DACH2: variants seen among roughly 807,000 people sequenced by gnomAD.
DACH2 encodes the protein dachshund homolog 2.
A neutral mutation model predicts 35.8 loss-of-function variants in DACH2; 17 were observed. That is an observed-to-expected ratio of 0.48 (90% CI 0.33 to 0.71). The LOEUF (loss-of-function observed/expected upper bound fraction) is 0.71, where lower values mean the gene tolerates loss of function less well. Among genes scored for constraint, DACH2 ranks in the 30% least tolerant of loss-of-function variants. The pLI, the probability that DACH2 is intolerant of heterozygous loss-of-function variation, is 0.02. For synonymous variants in DACH2, 195 were observed against 177.3 expected (o/e 1.10, Z -0.79); for missense variants, 469 against 472.7 (o/e 0.99, Z 0.07).
intron 11 of DACH2, among the ~76,000 whole-genome samples, chrX:86,822,355 A>G (rs182073061): frequency 8.9e-6 from 1 of 112,193 alleles, no homozygotes; most frequent in Non-Finnish European, 1.9e-5. Context: ...GGAATAGTGA[A>G]AAAAGAAAGG....
intron 1 of DACH2, among the ~76,000 whole-genome samples, chrX:86,182,867 G>T (rs1485404685): frequency 9.0e-6 from 1 of 111,501 alleles, no homozygotes; most frequent in African/African-American, 3.3e-5. Context: ...GTGGTTTGTA[G>T]TTCTCCTAGA....
At chrX:86,666,018 A>G (rs765189329) in intron 4 of DACH2, among the ~76,000 whole-genome samples, 1 of 111,335 alleles carries the variant, frequency 9.0e-6, no homozygotes, top group South Asian at 3.8e-4. Flanking sequence ...CAGAAAACTC[A>G]TCATCATCAC....
chrX:86,476,054 A>C (rs2037838357), intron 2 of DACH2, among the ~76,000 whole-genome samples: 1 of 111,806 alleles, frequency 8.9e-6, no homozygotes, highest in East Asian at 2.8e-4. Context: ...TGATCTTTTA[A>C]ATTCATTGTT....
intron 2 of DACH2, among the ~76,000 whole-genome samples, chrX:86,484,623 C>T (rs1459366355): frequency 2.7e-5 from 3 of 111,835 alleles, no homozygotes; most frequent in Non-Finnish European, 5.6e-5. Context: ...AGGTTTAAAT[C>T]ATAATTTTAC....
chrX:86,190,682 C>G (rs757849814), intron 1 of DACH2, among the ~76,000 whole-genome samples: 2 of 111,980 alleles, frequency 1.8e-5, no homozygotes, highest in African/African-American at 3.2e-5. Flanking sequence ...CGGTGGCTCA[C>G]GCCTGTAATC....
At chrX:86,806,266 G>A (rs964376678) in intron 7 of DACH2, among the ~76,000 whole-genome samples, 1 of 110,693 alleles carries the variant, frequency 9.0e-6, no homozygotes, top group African/African-American at 3.3e-5. Flanking sequence ...AGGCAAAGGG[G>A]AAGCAAGCAT....
At position 86,736,326 on chromosome X, in the gene DACH2, A is replaced by T. The variant is rs150567182; in HGVS notation, c.1105-3421A>T. On this transcript the variant is annotated intron_variant, in intron 6 of 11. Transcript: ENST00000373125. ...CAGGCTACAAAATCTTAAAGGAGAAAATTTGCTTCATACAAAATGTTACTG... is the reference window on the plus strand; with the variant it reads ...CAGGCTACAAAATCTTAAAGGAGAATATTTGCTTCATACAAAATGTTACTG... Among the ~76,000 whole-genome samples the T allele has an allele frequency of 4.6e-3, 510 of 111,302 alleles. 3 individuals carry two copies. Among genetic ancestry groups the T allele is most frequent in the African/African-American group, 0.016 (484 of 30,774 alleles).
intron 1 of DACH2, among the ~76,000 whole-genome samples, chrX:86,305,800 A>C (rs1483981401): frequency 8.9e-6 from 1 of 111,994 alleles, no homozygotes; most frequent in Non-Finnish European, 1.9e-5. Context: ...ATTTCTCAAA[A>C]GAAGATATAC....
chrX:86,264,120 GTATGCTTAAAA>G (rs950061360), intron 1 of DACH2, among the ~76,000 whole-genome samples: 5 of 111,893 alleles, frequency 4.5e-5, no homozygotes, highest in African/African-American at 1.6e-4. Context: ...TATGTATAGT[GTATGCTTAAAA>G]TATTTCTCTG....
chrX:86,450,347 G>A (rs1427746461), intron 2 of DACH2, among the ~76,000 whole-genome samples: 1 of 111,275 alleles, frequency 9.0e-6, no homozygotes, highest in Non-Finnish European at 1.9e-5. Flanking sequence ...TCCTGCATTA[G>A]TTTGAGGAGC....
At chrX:86,570,750 T>C (rs1185872363) in intron 3 of DACH2, among the ~76,000 whole-genome samples, 1 of 111,281 alleles carries the variant, frequency 9.0e-6, no homozygotes, top group East Asian at 2.8e-4. Context: ...AAAAGTCTGT[T>C]TAAAATGCTC....
At position 86,770,496 on chromosome X, in the gene DACH2, C is replaced by T. The variant is rs140275454; in HGVS notation, c.1240+30614C>T. Among the ~76,000 whole-genome samples, 585 of 111,481 alleles carry T rather than the reference C, an allele frequency of 5.2e-3. 1 individual carries two copies. Among genetic ancestry groups the T allele is most frequent in the African/African-American group, 0.018 (562 of 30,730 alleles). ...CATAAAACAAAATACTGCCTTTCCT[C>T]CTTGCCCAACTGTCACCTCCAAATT... is the stretch of plus-strand genomic sequence containing the variant. On this transcript the variant is annotated intron_variant, in intron 7 of 11. Coordinates refer to ENST00000373125, the MANE Select transcript of DACH2 (RefSeq NM_053281.3).
At chrX:86,184,222 T>C in intron 1 of DACH2, 1 of 192,993 alleles carries the variant, frequency 5.2e-6, no homozygotes. Context: ...ATTTTTTTTT[T>C]TTTTTGATAG....
At chrX:86,812,626 T>C (rs1425234069) in intron 7 of DACH2, among the ~76,000 whole-genome samples, 1 of 111,975 alleles carries the variant, frequency 8.9e-6, no homozygotes, top group African/African-American at 3.2e-5. Context: ...TTTCTCCAGA[T>C]TTCATACCTC....
intron 3 of DACH2, among the ~76,000 whole-genome samples, chrX:86,609,678 C>G (rs986854555): frequency 2.1e-4 from 23 of 111,830 alleles, no homozygotes; most frequent in African/African-American, 7.5e-4. Context: ...ATGGGAACCT[C>G]AAGCCCAGTA....
At chrX:86,450,124 T>C (rs1483377573) in intron 2 of DACH2, among the ~76,000 whole-genome samples, 1 of 111,106 alleles carries the variant, frequency 9.0e-6, no homozygotes, top group East Asian at 2.8e-4. Flanking sequence ...GTTTGGTACA[T>C]AGGAAAACGT....
chrX:86,653,894 T>C (rs907940136), intron 4 of DACH2, among the ~76,000 whole-genome samples: 2 of 109,938 alleles, frequency 1.8e-5, no homozygotes, highest in African/African-American at 6.6e-5. Context: ...CTCGAACTCC[T>C]TACCTCAGGT....
intron 2 of DACH2, among the ~76,000 whole-genome samples, chrX:86,513,592 G>A (rs2038424784): frequency 8.9e-6 from 1 of 112,178 alleles, no homozygotes. Flanking sequence ...TTAGGTTAAT[G>A]TTATAAGTTT....
chrX:86,568,918 G>A (rs1274110656), intron 3 of DACH2, among the ~76,000 whole-genome samples: 6 of 111,390 alleles, frequency 5.4e-5, no homozygotes, highest in African/African-American at 1.9e-4. Flanking sequence ...GATCACTTCC[G>A]ATTTCACCTT....
Sources: gnomAD v4.1 joint callset for allele counts (sites outside exome capture counted in the v4.1 genomes callset) on GRCh38, gnomAD v4.1.1 for gene constraint, MANE v1.5 for transcripts, NCBI Gene and HGNC (gene_info 2026-07-23, HGNC 2026-07-21) for gene names.